Variants in MBNL1 observed in about 807,000 individuals in gnomAD.
MBNL1 encodes muscleblind like splicing regulator 1.
Under a neutral mutation model 42.2 loss-of-function variants are expected in MBNL1, and 8 were observed. The ratio of observed to expected loss-of-function variants is 0.19; its 90% confidence interval spans 0.11 to 0.34. MBNL1 has a LOEUF of 0.34. MBNL1 is among the 10% of genes least tolerant of loss of function. MBNL1 has a pLI of 1.00. For synonymous variants in MBNL1, 169 were observed against 173.9 expected (o/e 0.97, Z 0.22); for missense variants, 309 against 495.3 (o/e 0.62, Z 3.57).
chr3:152,414,891 G>A lies in MBNL1; in HGVS notation c.175-50G>A, dbSNP rs773640630. 14 of 1,579,626 alleles carry A rather than the reference G, an allele frequency of 8.9e-6. 1 individual carries two copies. In the Admixed American group the frequency reaches 2.4e-4, roughly 27 times the overall value. On this transcript the variant is annotated intron_variant, in intron 2 of 9. Transcript: ENST00000324210. ...TTGCATTATATTTTTTTCATAATTTGCTGATTTTATTCTTTTCTAAGATGA... is the reference window on the plus strand; with the variant it reads ...TTGCATTATATTTTTTTCATAATTTACTGATTTTATTCTTTTCTAAGATGA...
At chr3:152,313,198 T>A (rs1423932671) in intron 2 of MBNL1, among the ~76,000 whole-genome samples, 10 of 152,200 alleles carry the variant, frequency 6.6e-5, no homozygotes, top group South Asian at 4.2e-4. Flanking sequence ...GATTTTTTTT[T>A]ATCTTTAATA....
chr3:152,297,034 G>A (rs370598541), intron 1 of MBNL1, among the ~76,000 whole-genome samples: 4 of 152,188 alleles, frequency 2.6e-5, no homozygotes, highest in African/African-American at 9.7e-5. Context: ...TGGGGATAAT[G>A]ACATCTTGGT....
At chr3:152,253,786 C>G (rs1202073287) in intron 2 of MBNL1, among the ~76,000 whole-genome samples, 1 of 152,100 alleles carries the variant, frequency 6.6e-6, no homozygotes, top group Non-Finnish European at 1.5e-5. Flanking sequence ...TGGGTCTCTT[C>G]TCAAACATAT....
chr3:152,353,811 T>C (rs2095299412), intron 2 of MBNL1, among the ~76,000 whole-genome samples: 1 of 152,058 alleles, frequency 6.6e-6, no homozygotes, highest in Non-Finnish European at 1.5e-5. Flanking sequence ...CCACCCACTG[T>C]AGCCTTCCCA....
chr3:152,299,712 T>G lies in MBNL1; in HGVS notation c.-482T>G. On this transcript the variant is annotated 5_prime_UTR_variant, in exon 2 of 10. Transcript: ENST00000324210. ...TTTGCTCTAAACTGCTGCATCTGTC[T>G]ATGCCAAACTAATCAATACCGATTG... 2.5e-6 allele frequency: 1 copy of G among 398,922 alleles called. No individual in the cohort carries two copies. The allele number at this position is 398,922 out of a possible 1,614,324, so 24.7% of individuals were successfully genotyped here. A position where few individuals can be genotyped will look rare whatever the true frequency, so the allele number is the denominator to read the frequency against.
rs754733825 is a variant in MBNL1, at chr3:152,415,109, G to A, written c.343G>A (p.Val115Met). Residue 115 changes from valine to methionine, a missense_variant and splice_region_variant, in exon 3 of 10, where the codon GTG becomes ATG. Coordinates refer to ENST00000324210, the MANE Select transcript of MBNL1 (RefSeq NM_021038.5). The stretch of plus-strand genomic sequence containing the variant: ...GATGCCTGGTGCCCCATTACAACCC[G>A]TGGTAAGCATGTTTTCAGTCTTCAC... ...AMMPGAPLQP[V>M]PMFSVAPSLA... 9.5e-6 allele frequency: 15 copies of A among 1,573,956 alleles called. No homozygotes were observed. Among genetic ancestry groups the A allele is most frequent in the Middle Eastern group, 1.7e-4 (1 of 5,942 alleles).
intron 4 of MBNL1, among the ~76,000 whole-genome samples, chr3:152,435,022 T>G (rs2099059653): frequency 6.6e-6 from 1 of 152,218 alleles, no homozygotes; most frequent in African/African-American, 2.4e-5. Context: ...TCTTTGGCTG[T>G]GTAGAAGCTC....
chr3:152,344,354 G>A (rs1177461924), intron 2 of MBNL1, among the ~76,000 whole-genome samples: 2 of 152,114 alleles, frequency 1.3e-5, no homozygotes, highest in Non-Finnish European at 2.9e-5. Context: ...GTACTAATGG[G>A]AGATGTAGCA....
intron 2 of MBNL1, among the ~76,000 whole-genome samples, chr3:152,359,642 C>T (rs1426891025): frequency 6.6e-6 from 1 of 152,050 alleles, no homozygotes; most frequent in Non-Finnish European, 1.5e-5. Flanking sequence ...TTTGAGAATC[C>T]CAGGATTTTC....
At position 152,286,388 on chromosome 3, in the gene MBNL1, A is replaced by ATATTTTATTTATAATATAAATATTTG. The variant is rs1193020027; in HGVS notation, c.-789-12992_-789-12991insGTATTTTATTTATAATATAAATATTT. On this transcript the variant is annotated intron_variant, in intron 1 of 9. Transcript: ENST00000324210. ...TTATTTATAATATAAATATTTAATT[A>ATATTTTATTTATAATATAAATATTTG]TATTTTATTTATAATATAAATATTT... Among the ~76,000 whole-genome samples, 363 of 132,454 alleles carry ATATTTTATTTATAATATAAATATTTG rather than the reference A, an allele frequency of 2.7e-3. 39 individuals carry two copies. Among genetic ancestry groups the ATATTTTATTTATAATATAAATATTTG allele is most frequent in the Middle Eastern group, 4.5e-3 (1 of 224 alleles). The allele number at this position is 132,454 out of a possible 152,430, so 86.9% of individuals were successfully genotyped here.
chr3:152,446,811 G>GT (rs576213911), intron 5 of MBNL1: 27,922 of 1,327,772 alleles, frequency 0.021, 71 homozygotes, highest in Non-Finnish European at 0.024. Context: ...GTAGATACAA[G>GT]TTTTTTTTTT....
intron 2 of MBNL1, among the ~76,000 whole-genome samples, chr3:152,380,230 A>T (rs1278805015): frequency 6.6e-6 from 1 of 152,120 alleles, no homozygotes; most frequent in Non-Finnish European, 1.5e-5. Context: ...ATGCCCACAG[A>T]ATTTAACATT....
At chr3:152,280,947 G>T (rs544402333) in intron 1 of MBNL1, among the ~76,000 whole-genome samples, 4 of 152,036 alleles carry the variant, frequency 2.6e-5, no homozygotes, top group Non-Finnish European at 5.9e-5. Context: ...GATTTTAATT[G>T]AAATTTTTAA....
At chr3:152,348,137 C>T (rs962563910) in intron 2 of MBNL1, among the ~76,000 whole-genome samples, 1 of 152,000 alleles carries the variant, frequency 6.6e-6, no homozygotes, top group Non-Finnish European at 1.5e-5. Flanking sequence ...GAGTTAGATA[C>T]CTTCCAAAAG....
intron 2 of MBNL1, among the ~76,000 whole-genome samples, chr3:152,332,731 TGTGTGTGTGCGCGC>T (rs1394195764): frequency 6.4e-4 from 86 of 134,172 alleles, no homozygotes; most frequent in African/African-American, 2.6e-3. Flanking sequence ...TGTGTGTGTG[TGTGTGTGTGCGCGC>T]GCGCATGCGC....
At chr3:152,251,616 A>G (rs1159103703) in intron 2 of MBNL1, among the ~76,000 whole-genome samples, 3 of 151,990 alleles carry the variant, frequency 2.0e-5, no homozygotes, top group Non-Finnish European at 2.9e-5. Flanking sequence ...CATTTTAATA[A>G]AGTGCTCCTC....
intron 2 of MBNL1, among the ~76,000 whole-genome samples, chr3:152,365,183 A>G (rs144142573): frequency 6.6e-6 from 1 of 152,232 alleles, no homozygotes; most frequent in African/African-American, 2.4e-5. Flanking sequence ...ATTGAGATGA[A>G]TTTCCTAAGG....
chr3:152,444,299 T>C (rs180904916), intron 4 of MBNL1, among the ~76,000 whole-genome samples: 52 of 152,268 alleles, frequency 3.4e-4, no homozygotes, highest in Non-Finnish European at 6.5e-4. Flanking sequence ...ATTGCGCAGA[T>C]GAATGAGAAA....
At chr3:152,340,732 CG>C in intron 2 of MBNL1, 1 of 1,613,988 alleles carries the variant, frequency 6.2e-7, no homozygotes, top group East Asian at 2.2e-5. Context: ...CTTTGGATTC[CG>C]TGATGGCTGA....
Sources: gnomAD v4.1 joint callset for allele counts (sites outside exome capture counted in the v4.1 genomes callset) on GRCh38, gnomAD v4.1.1 for gene constraint, MANE v1.5 for transcripts, NCBI Gene and HGNC (gene_info 2026-07-23, HGNC 2026-07-21) for gene names.